Variants in AQP9 observed in about 807,000 individuals in gnomAD.
AQP9 encodes the protein aquaporin-9.
Under a neutral mutation model 23.8 loss-of-function variants are expected in AQP9, and 19 were observed. The ratio of observed to expected loss-of-function variants is 0.80; its 90% CI spans 0.56 to 1.17. The LOEUF is 1.17. AQP9 is among the 50% of genes most tolerant of loss of function. AQP9 has a pLI of 0.00. For synonymous variants in AQP9, 153 were observed against 131.5 expected, an observed-to-expected ratio of 1.16 and a Z score of -1.12; for missense variants, 413 against 362.0, an observed-to-expected ratio of 1.14 and a Z score of -1.14.
intron 1 of AQP9, among the ~76,000 whole-genome samples, chr15:58,145,642 T>C (rs1347167292): frequency 6.6e-6 from 1 of 152,206 alleles, no homozygotes; most frequent in African/African-American, 2.4e-5. Context: ...AATTTTTCCC[T>C]CATTATTATT....
intron 5 of AQP9, among the ~76,000 whole-genome samples, chr15:58,183,159 G>C (rs1187430459): frequency 6.6e-6 from 1 of 152,078 alleles, no homozygotes. Context: ...CTGAAGTTTT[G>C]TGTTTTCCAT....
In AQP9 at chr15:58,166,193, G is replaced by A. The variant is rs575927694; in HGVS notation, c.112-480G>A. Among the ~76,000 whole-genome samples the A allele has an allele frequency of 2.0e-5, 3 of 152,186 alleles. No homozygotes were observed. The East Asian group carries it at 5.8e-4, about 29-fold the overall frequency. On this transcript the variant is annotated intron_variant, in intron 1 of 5. Transcript: ENST00000219919. ...GAGTGAAGGGTAGAGAAGTGAGCCA[G>A]TTGGGAAGGCATAAGCTCTGTTTAA...
In AQP9 at chr15:58,138,633, C is replaced by T. The variant is rs192641731; in HGVS notation, c.68C>T (p.Ala23Val). ...AGACTGGTCTTGAAGAGCAGCTTAG[C>T]GAAAGAAACCCTCTCTGAGTTCTTG... ...KQRLVLKSSL[A>V]KETLSEFLGT... The change falls in exon 1 of 6, where the codon GCG (alanine) becomes GTG (valine). Residue 23 changes from alanine (A) to valine (V), a missense_variant. Physicochemically the swap from Ala to Val is moderately conservative, Grantham distance 64. Transcript: ENST00000219919. 6.5e-5 allele frequency: 105 copies of T among 1,613,786 alleles called. No homozygotes were observed. In the Admixed American group the frequency reaches 1.1e-3, roughly 17 times the overall value.
chr15:58,180,826 C>A (rs1898870107), intron 5 of AQP9, among the ~76,000 whole-genome samples: 1 of 152,242 alleles, frequency 6.6e-6, no homozygotes, highest in South Asian at 2.1e-4. Flanking sequence ...TTATTCAGTC[C>A]AAAATGTTAA....
chr15:58,166,912 A>G, intron 2 of AQP9, 113 bp downstream of exon 2: 1 of 1,367,246 alleles, frequency 7.3e-7, no homozygotes, highest in Non-Finnish European at 9.7e-7. Context: ...ATCCTGCAAG[A>G]GTGTGTATTG....
chr15:58,169,445 C>G (rs181742994), intron 2 of AQP9, among the ~76,000 whole-genome samples: 5 of 152,298 alleles, frequency 3.3e-5, no homozygotes, highest in African/African-American at 7.2e-5. Flanking sequence ...ATCATGACAT[C>G]TGTGTGGACA....
chr15:58,179,000 T>C (rs1898819457), intron 4 of AQP9, 128 bp from the exon 5 acceptor site: 1 of 652,448 alleles, frequency 1.5e-6, no homozygotes, highest in Non-Finnish European at 2.6e-6. Context: ...CAGTTATTAC[T>C]AGGCATATTG....
chr15:58,181,965 T>A (rs547872627), intron 5 of AQP9, among the ~76,000 whole-genome samples: 2 of 151,918 alleles, frequency 1.3e-5, no homozygotes, highest in Admixed American at 6.6e-5. Flanking sequence ...TCAGTAGATA[T>A]CCTAGCTTGG....
chr15:58,179,755 T>C (rs540092764), intron 5 of AQP9, among the ~76,000 whole-genome samples: 3 of 152,352 alleles, frequency 2.0e-5, no homozygotes, highest in Non-Finnish European at 2.9e-5. Context: ...ACGCAACCTA[T>C]GCTGCACTTA....
At position 58,185,600 on chromosome 15, in the gene AQP9, G is replaced by C. The variant is rs577919514; in HGVS notation, c.*1465G>C. The C allele has an allele frequency of 2.6e-5, 4 of 152,288 alleles. No homozygotes were observed. Among genetic ancestry groups the C allele is most frequent in the African/African-American group, 9.6e-5 (4 of 41,562 alleles). The allele number at this position is 152,288 out of a possible 1,614,324, so 9.4% of individuals were successfully genotyped here. A position where few individuals can be genotyped will look rare whatever the true frequency, so the allele number is the denominator to read the frequency against. Reference sequence around the variant, plus strand: ...ACATTACATTCAGGGGATTTCCTCTGGCTCAGTCTTTTCCCCTTGAAGTTC... The same window carrying C: ...ACATTACATTCAGGGGATTTCCTCTCGCTCAGTCTTTTCCCCTTGAAGTTC... On this transcript the variant is annotated 3_prime_UTR_variant, in exon 6 of 6. Transcript: ENST00000219919.
At chr15:58,168,641 C>T (rs1250469561) in intron 2 of AQP9, among the ~76,000 whole-genome samples, 2 of 152,156 alleles carry the variant, frequency 1.3e-5, no homozygotes, top group Non-Finnish European at 2.9e-5. Flanking sequence ...CAGAACTTTG[C>T]AACCTTGACC....
At chr15:58,183,933 G>C in intron 5 of AQP9, 28 bp from the exon 6 acceptor site, 4 of 1,610,928 alleles carry the variant, frequency 2.5e-6, no homozygotes, top group Non-Finnish European at 2.5e-6. Context: ...GCCAAGAAAT[G>C]TATCACTAAT....
intron 5 of AQP9, 25 bp from the exon 6 acceptor site, chr15:58,183,936 T>C (rs770087162): frequency 1.4e-5 from 22 of 1,612,236 alleles, no homozygotes; most frequent in Non-Finnish European, 5.1e-6. Flanking sequence ...AAGAAATGTA[T>C]CACTAATTTC....
chr15:58,139,205 A>G (rs1477258241), intron 1 of AQP9, among the ~76,000 whole-genome samples: 2 of 152,242 alleles, frequency 1.3e-5, no homozygotes, highest in African/African-American at 4.8e-5. Context: ...AGGTAGAAAT[A>G]GTGTACCAGG....
intron 3 of AQP9, among the ~76,000 whole-genome samples, chr15:58,173,434 T>G (rs1488285046): frequency 6.6e-6 from 1 of 152,186 alleles, no homozygotes; most frequent in African/African-American, 2.4e-5. Flanking sequence ...AAAGGAAGCC[T>G]GTCTTTGTGC....
chr15:58,185,297 T>A lies in AQP9; in HGVS notation c.*1162T>A, dbSNP rs1362401726. The A allele has an allele frequency of 6.5e-6, 1 of 152,682 alleles. No individual in the cohort carries two copies. The highest frequency in any genetic ancestry group is 2.4e-5 in the African/African-American group (1 of 41,456). 9.5% of individuals were successfully genotyped at this position (152,682 alleles called of 1,614,324 possible). ...ATTCCTCTACCTTTCAGAAGATCAG[T>A]AGCTGGCTGACAATCTTTGCCAAAT... On this transcript the variant is annotated 3_prime_UTR_variant, in exon 6 of 6. Coordinates refer to ENST00000219919, the MANE Select transcript of AQP9 (RefSeq NM_020980.5).
At chr15:58,138,813 T>A (rs1317485123) in intron 1 of AQP9, 137 bp downstream of exon 1, 1 of 718,062 alleles carries the variant, frequency 1.4e-6, no homozygotes. Context: ...AAGAAACAAG[T>A]TACTAGAGGC....
chr15:58,163,847 C>A (rs1313934106), intron 1 of AQP9: 1 of 152,144 alleles, frequency 6.6e-6, no homozygotes, highest in African/African-American at 2.4e-5. Flanking sequence ...GCCAGATCTC[C>A]AGCAAGCAGC....
At chr15:58,178,906 T>G (rs1391719638) in intron 4 of AQP9, among the ~76,000 whole-genome samples, 1 of 152,172 alleles carries the variant, frequency 6.6e-6, no homozygotes, top group Non-Finnish European at 1.5e-5. Context: ...GTAACCAATC[T>G]GTAAATGAGA....
Sources: gnomAD v4.1 joint callset for allele counts (sites outside exome capture counted in the v4.1 genomes callset) on GRCh38, gnomAD v4.1.1 for gene constraint, MANE v1.5 for transcripts, NCBI Gene and HGNC (gene_info 2026-07-23, HGNC 2026-07-21) for gene names.